OPCML: variants seen among roughly 807,000 people sequenced by gnomAD.
OPCML encodes opioid binding protein/cell adhesion molecule like.
A neutral mutation model predicts 37.8 loss-of-function variants in OPCML; 13 were observed. That is an observed-to-expected ratio of 0.34 (90% CI 0.22 to 0.55). The LOEUF is 0.55. Among genes scored for constraint, OPCML ranks in the 20% least tolerant of loss-of-function variants. The pLI is 0.91. For missense variants in OPCML, 341 were observed against 435.6 expected (o/e 0.78, Z 1.93); for synonymous variants, 176 against 168.8 (o/e 1.04, Z -0.33).
At chr11:133,273,237 G>C (rs1941901388) in intron 1 of OPCML, among the ~76,000 whole-genome samples, 1 of 152,126 alleles carries the variant, frequency 6.6e-6, no homozygotes, top group Non-Finnish European at 1.5e-5. Context: ...CAGAGGGATG[G>C]GGAGGGGTTA....
intron 1 of OPCML, chr11:133,006,127 TGGGAG>T: frequency 1.0e-6 from 1 of 985,170 alleles, no homozygotes; most frequent in Non-Finnish European, 1.2e-6. Context: ...GACAGCCAGG[TGGGAG>T]GAGATCCCTG....
At chr11:132,623,030 TA>T (rs1364256000) in intron 3 of OPCML, among the ~76,000 whole-genome samples, 1 of 152,232 alleles carries the variant, frequency 6.6e-6, no homozygotes, top group Non-Finnish European at 1.5e-5. Flanking sequence ...AAGTACCTTA[TA>T]AATTTTAGTA....
intron 2 of OPCML, among the ~76,000 whole-genome samples, chr11:132,814,266 T>C (rs942433966): frequency 6.6e-6 from 1 of 152,116 alleles, no homozygotes; most frequent in African/African-American, 2.4e-5. Context: ...AATAGGAGAT[T>C]ATAGATAGAG....
chr11:132,786,384 G>A (rs758755739), intron 2 of OPCML, among the ~76,000 whole-genome samples: 1 of 152,108 alleles, frequency 6.6e-6, no homozygotes, highest in Admixed American at 6.5e-5. Flanking sequence ...GAAAAGAAAT[G>A]GGGGAATGAT....
At chr11:133,199,304 A>G (rs1228450937) in intron 1 of OPCML, among the ~76,000 whole-genome samples, 1 of 152,200 alleles carries the variant, frequency 6.6e-6, no homozygotes, top group African/African-American at 2.4e-5. Context: ...ACAGAAGAAT[A>G]TATTGTTATA....
chr11:132,433,343 C>T (rs2096003521), intron 7 of OPCML, among the ~76,000 whole-genome samples: 2 of 152,108 alleles, frequency 1.3e-5, no homozygotes, highest in Admixed American at 1.3e-4. Flanking sequence ...AAAATATCAC[C>T]CTACTTAGCC....
chr11:132,469,606 C>T (rs1389251870), intron 4 of OPCML, among the ~76,000 whole-genome samples: 2 of 92,104 alleles, frequency 2.2e-5, no homozygotes, highest in Admixed American at 3.2e-4. Context: ...TGTGTATAGG[C>T]ATGTGTGTAT....
At position 133,051,703 on chromosome 11, in the gene OPCML, A is replaced by G. The variant is rs142616426; in HGVS notation, c.62-108693T>C. ...TTCTTGTAAGCCTCTCCCCACAACCATAACACAAAGCTCAAATGTCTTCTA... is the reference window on the plus strand; with the variant it reads ...TTCTTGTAAGCCTCTCCCCACAACCGTAACACAAAGCTCAAATGTCTTCTA... On this transcript the variant is annotated intron_variant, in intron 1 of 7. Transcript: ENST00000524381. Among the ~76,000 whole-genome samples, 351 of 152,280 alleles carry G rather than the reference A, an allele frequency of 2.3e-3. 3 individuals are homozygous for G. The highest frequency in any genetic ancestry group is 0.019 in the East Asian group (98 of 5,178).
At chr11:133,210,085 C>T (rs1939290710) in intron 1 of OPCML, among the ~76,000 whole-genome samples, 1 of 152,220 alleles carries the variant, frequency 6.6e-6, no homozygotes, top group Non-Finnish European at 1.5e-5. Context: ...AAGTCTCTCT[C>T]ACGGCATGTG....
At chr11:132,750,236 T>C (rs538429560) in intron 2 of OPCML, among the ~76,000 whole-genome samples, 4 of 152,342 alleles carry the variant, frequency 2.6e-5, no homozygotes, top group Non-Finnish European at 4.4e-5. Flanking sequence ...TAAATACTTA[T>C]ATTTTCTAAA....
At chr11:133,191,981 G>A (rs759268876) in intron 1 of OPCML, among the ~76,000 whole-genome samples, 2 of 152,152 alleles carry the variant, frequency 1.3e-5, no homozygotes, top group Non-Finnish European at 2.9e-5. Flanking sequence ...CACTTGAACT[G>A]TCTGCTGTTT....
intron 2 of OPCML, among the ~76,000 whole-genome samples, chr11:132,682,077 G>T (rs1942969460): frequency 6.6e-6 from 1 of 152,144 alleles, no homozygotes; most frequent in Non-Finnish European, 1.5e-5. Context: ...AGGGGACTCA[G>T]GTATCCCCCC....
At chr11:132,429,029 A>T (rs2136692455) in intron 7 of OPCML, among the ~76,000 whole-genome samples, 1 of 134,658 alleles carries the variant, frequency 7.4e-6, no homozygotes, top group African/African-American at 2.6e-5. Context: ...AGATGAATGG[A>T]TGGAGGGATG....
At chr11:132,929,902 C>T (rs1268917772) in intron 2 of OPCML, among the ~76,000 whole-genome samples, 1 of 152,140 alleles carries the variant, frequency 6.6e-6, no homozygotes, top group Non-Finnish European at 1.5e-5. Flanking sequence ...AAAGAAATTA[C>T]ATAACCTTAA....
At chr11:133,061,037 G>C (rs888409851) in intron 1 of OPCML, among the ~76,000 whole-genome samples, 2 of 152,222 alleles carry the variant, frequency 1.3e-5, no homozygotes, top group Admixed American at 6.5e-5. Flanking sequence ...TTATTTTCAT[G>C]TTTATTTTTA....
intron 1 of OPCML, among the ~76,000 whole-genome samples, chr11:132,967,260 C>T (rs1946236757): frequency 6.6e-6 from 1 of 151,948 alleles, no homozygotes; most frequent in Non-Finnish European, 1.5e-5. Flanking sequence ...TTACTTAATG[C>T]CAGTGAGACA....
intron 2 of OPCML, among the ~76,000 whole-genome samples, chr11:132,890,445 ACT>A (rs1250703709): frequency 6.6e-6 from 1 of 152,190 alleles, no homozygotes; most frequent in Non-Finnish European, 1.5e-5. Context: ...GAGAAAAATC[ACT>A]GAGTTTCTAG....
intron 2 of OPCML, among the ~76,000 whole-genome samples, chr11:132,904,833 T>C (rs1944180160): frequency 6.6e-6 from 1 of 152,194 alleles, no homozygotes; most frequent in Non-Finnish European, 1.5e-5. Flanking sequence ...ACCTGCCTAA[T>C]GAAACTGCTT....
In OPCML at chr11:132,749,291, C is replaced by T. The variant is rs187382806; in HGVS notation, c.147-91972G>A. ...CCACTCAGGCTATGGCACTTTCTTA[C>T]AGTAGCAGGAACAAACTATGACAGG... On this transcript the variant is annotated intron_variant, in intron 2 of 7. Coordinates refer to ENST00000524381, the MANE Select transcript of OPCML (RefSeq NM_001012393.5). Among the ~76,000 whole-genome samples the T allele has an allele frequency of 9.3e-4, 142 of 152,210 alleles. 2 individuals are homozygous for T. In the East Asian group the frequency reaches 0.01, roughly 11 times the overall value.
Sources: allele counts gnomAD v4.1 joint callset (sites outside exome capture counted in the v4.1 genomes callset), GRCh38; gene constraint gnomAD v4.1.1; transcripts MANE v1.5; gene names NCBI Gene and HGNC (gene_info 2026-07-23, HGNC 2026-07-21).